The following CFAP95 variants were observed in gnomAD, a reference collection of about 807,000 sequenced individuals.
The protein encoded by CFAP95 is cilia- and flagella-associated protein 95.
chr9:69,904,755 G>A, the CFAP95 span, among the ~76,000 whole-genome samples: 3 of 152,154 alleles, frequency 2.0e-5, no homozygotes, highest in Admixed American at 2.0e-4. Context: ...TACCCACCAA[G>A]CAACCAACCA....
chr9:69,906,100 C>G, the CFAP95 span: 2 of 1,611,580 alleles, frequency 1.2e-6, no homozygotes, highest in Non-Finnish European at 1.7e-6. Context: ...AACAGAAACT[C>G]TATCCCTTGA....
At chr9:69,892,882 A>G in the CFAP95 span, among the ~76,000 whole-genome samples, 10 of 152,240 alleles carry the variant, frequency 6.6e-5, no homozygotes, top group African/African-American at 2.4e-4. Context: ...ATCCCTTTCC[A>G]GCTCTCCATC....
At chr9:69,862,094 A>G in the CFAP95 span, among the ~76,000 whole-genome samples, 1 of 152,196 alleles carries the variant, frequency 6.6e-6, no homozygotes, top group Non-Finnish European at 1.5e-5. Context: ...CCCAGTGCCT[A>G]AAGAGAGCCT....
At chr9:69,844,945 C>T in the CFAP95 span, among the ~76,000 whole-genome samples, 1 of 152,200 alleles carries the variant, frequency 6.6e-6, no homozygotes, top group Non-Finnish European at 1.5e-5. Flanking sequence ...TGTCTCCTTT[C>T]ACCTCCACAA....
the CFAP95 span, among the ~76,000 whole-genome samples, chr9:69,901,142 G>GTTT: frequency 2.1e-5 from 3 of 142,764 alleles, no homozygotes; most frequent in African/African-American, 7.7e-5. Flanking sequence ...TTTGGTTTTG[G>GTTT]TTTTTTTTTT....
chr9:69,867,683 A>C, the CFAP95 span, among the ~76,000 whole-genome samples: 114 of 152,362 alleles, frequency 7.5e-4, 2 homozygotes, highest in East Asian at 0.018. Context: ...CATTAAGAAA[A>C]ATAGTAGTTT....
chr9:69,843,965 A>G, the CFAP95 span, among the ~76,000 whole-genome samples: 3 of 151,844 alleles, frequency 2.0e-5, no homozygotes, highest in Non-Finnish European at 4.4e-5. Context: ...TCTTTTAATC[A>G]AGATGTTTGG....
At chr9:69,826,145 T>G in the CFAP95 span, among the ~76,000 whole-genome samples, 2 of 152,272 alleles carry the variant, frequency 1.3e-5, no homozygotes, top group African/African-American at 4.8e-5. Context: ...GAATTAGAAT[T>G]AAAGAGGGGA....
chr9:69,899,886 A>G, the CFAP95 span, among the ~76,000 whole-genome samples: 1 of 152,152 alleles, frequency 6.6e-6, no homozygotes, highest in Non-Finnish European at 1.5e-5. Context: ...GACTCTTGGA[A>G]ATTTGCACCT....
chr9:69,866,886 G>A, the CFAP95 span, among the ~76,000 whole-genome samples: 321 of 152,322 alleles, frequency 2.1e-3, 2 homozygotes, highest in African/African-American at 7.5e-3. Flanking sequence ...GCCCTGTGAG[G>A]CAAGAGTGCT....
chr9:69,837,582 G>T, the CFAP95 span, among the ~76,000 whole-genome samples: 4 of 152,118 alleles, frequency 2.6e-5, 1 homozygote, highest in South Asian at 8.3e-4. Flanking sequence ...GGGGTTGTTT[G>T]TTTTTTTCTT....
the CFAP95 span, chr9:69,844,436 A>T: frequency 3.9e-5 from 31 of 799,040 alleles, no homozygotes; most frequent in East Asian, 1.4e-4. Flanking sequence ...GAAAATTTTC[A>T]TTGGATAATT....
chr9:69,832,824 T>A, the CFAP95 span, among the ~76,000 whole-genome samples: 1 of 151,948 alleles, frequency 6.6e-6, no homozygotes, highest in East Asian at 1.9e-4. Flanking sequence ...TAGATATATC[T>A]CCCAATGGTA....
chr9:69,902,352 C>G, the CFAP95 span: 1 of 454,102 alleles, frequency 2.2e-6, no homozygotes, highest in Non-Finnish European at 4.4e-6. Context: ...TATAATCTCC[C>G]AGGTTTGATC....
At chr9:69,831,780 C>T in the CFAP95 span, among the ~76,000 whole-genome samples, 4 of 152,124 alleles carry the variant, frequency 2.6e-5, no homozygotes, top group Non-Finnish European at 5.9e-5. Context: ...AGCAGTACTA[C>T]CCTTTCCCCA....
the CFAP95 span, chr9:69,844,713 C>T: frequency 1.1e-6 from 1 of 884,882 alleles, no homozygotes; most frequent in Non-Finnish European, 1.8e-6. Flanking sequence ...TTTTGTGCAG[C>T]ACCATCCCTC....
the CFAP95 span, among the ~76,000 whole-genome samples, chr9:69,872,839 A>G: frequency 1.3e-5 from 2 of 151,976 alleles, no homozygotes; most frequent in Non-Finnish European, 2.9e-5. Context: ...ATACAAAGCG[A>G]CCCCCCAAAT....
the CFAP95 span, chr9:69,858,053 A>G: frequency 7.1e-7 from 1 of 1,407,664 alleles, no homozygotes; most frequent in Non-Finnish European, 1.0e-6. Flanking sequence ...GGGCAAAGGT[A>G]TGACAGGGTG....
chr9:69,874,393 T>C, the CFAP95 span, among the ~76,000 whole-genome samples: 3 of 152,122 alleles, frequency 2.0e-5, no homozygotes, highest in Admixed American at 2.0e-4. Flanking sequence ...CAAGGGGAGT[T>C]GGTTACGTGA....
Sources: gnomAD v4.1 joint callset for allele counts (sites outside exome capture counted in the v4.1 genomes callset) on GRCh38, gnomAD v4.1.1 for gene constraint, MANE v1.5 for transcripts, NCBI Gene and HGNC (gene_info 2026-07-23, HGNC 2026-07-21) for gene names.